Variants in EYA1 observed in about 807,000 individuals in gnomAD.
The protein encoded by EYA1 is EYA transcriptional coactivator and phosphatase 1, also known as protein phosphatase EYA1.
EYA1 carries 16 observed loss-of-function variants against 82.0 expected under a neutral mutation model. That is an observed-to-expected ratio of 0.20 (90% CI 0.13 to 0.30). The LOEUF (loss-of-function observed/expected upper bound fraction) is 0.30. Among genes scored for constraint, EYA1 ranks in the 10% least tolerant of loss-of-function variants. The pLI, the probability that EYA1 is intolerant of heterozygous loss-of-function variation, is 1.00. For missense variants in EYA1, 633 were observed against 730.7 expected, an observed-to-expected ratio of 0.87 and a Z score of 1.54; for synonymous variants, 261 against 264.4, an observed-to-expected ratio of 0.99 and a Z score of 0.12.
At position 71,198,648 on chromosome 8, in the gene EYA1, A is replaced by G. The variant is rs1023495836; in HGVS notation, c.*692T>C. On this transcript the variant is annotated 3_prime_UTR_variant, in exon 18 of 18. Coordinates refer to ENST00000340726, the MANE Select transcript of EYA1 (RefSeq NM_000503.6). ...GTACATGATTGTCTCAGTGATGTAC[A>G]TATTATACGTTTAAATTAGACATAC... 2.6e-5 allele frequency: 4 copies of G among 153,254 alleles called. No homozygotes were observed. Among genetic ancestry groups the G allele is most frequent in the African/African-American group, 9.6e-5 (4 of 41,452 alleles). 9.5% of individuals were successfully genotyped at this position (153,254 alleles called of 1,614,324 possible). A position where few individuals can be genotyped will look rare whatever the true frequency, so the allele number is the denominator to read the frequency against.
chr8:71,300,246 AAAG>A (rs1168250537), intron 7 of EYA1, among the ~76,000 whole-genome samples: 2 of 152,184 alleles, frequency 1.3e-5, no homozygotes, highest in South Asian at 2.1e-4. Flanking sequence ...AACAAAGATG[AAAG>A]AAGAATATGA....
chr8:71,253,054 C>G (rs1313323999), intron 11 of EYA1, among the ~76,000 whole-genome samples: 3 of 152,058 alleles, frequency 2.0e-5, no homozygotes, highest in Non-Finnish European at 2.9e-5. Context: ...AATGTAAAGT[C>G]CCTGAAATTT....
chr8:71,477,318 T>C (rs1229780570), intron 2 of EYA1, among the ~76,000 whole-genome samples: 1 of 152,152 alleles, frequency 6.6e-6, no homozygotes, highest in African/African-American at 2.4e-5. Flanking sequence ...ACATCATTTC[T>C]CTGATAAGGA....
chr8:71,516,328 C>A (rs182767683), intron 2 of EYA1, among the ~76,000 whole-genome samples: 1 of 152,248 alleles, frequency 6.6e-6, no homozygotes, highest in East Asian at 1.9e-4. Context: ...GTGTAAATGG[C>A]TACTTGTAAA....
chr8:71,284,828 T>C (rs1034061125), intron 9 of EYA1, among the ~76,000 whole-genome samples: 1 of 152,236 alleles, frequency 6.6e-6, no homozygotes, highest in African/African-American at 2.4e-5. Flanking sequence ...CCCTCGCACT[T>C]TCACATCCTC....
intron 9 of EYA1, among the ~76,000 whole-genome samples, chr8:71,290,585 A>G (rs539874049): frequency 1.3e-5 from 2 of 152,164 alleles, no homozygotes; most frequent in Non-Finnish European, 2.9e-5. Flanking sequence ...GCATCCTGAC[A>G]TATGGCTAAG....
At chr8:71,516,483 G>A (rs1458495018) in intron 2 of EYA1, among the ~76,000 whole-genome samples, 2 of 152,178 alleles carry the variant, frequency 1.3e-5, no homozygotes, top group Non-Finnish European at 2.9e-5. Flanking sequence ...AAGTCACACA[G>A]TATATATGCA....
chr8:71,479,358 C>G (rs1236161749), intron 2 of EYA1, among the ~76,000 whole-genome samples: 1 of 152,156 alleles, frequency 6.6e-6, no homozygotes, highest in Non-Finnish European at 1.5e-5. Context: ...AAATCACAAC[C>G]CACTTGCCTC....
chr8:71,389,712 T>C (rs1339876675), intron 2 of EYA1, among the ~76,000 whole-genome samples: 1 of 152,202 alleles, frequency 6.6e-6, no homozygotes, highest in Non-Finnish European at 1.5e-5. Flanking sequence ...TAAAAATCTT[T>C]TGAAGCTGAG....
intron 11 of EYA1, among the ~76,000 whole-genome samples, chr8:71,258,831 T>C (rs184054495): frequency 1.3e-5 from 2 of 152,200 alleles, no homozygotes; most frequent in Non-Finnish European, 2.9e-5. Flanking sequence ...TATGTATTTA[T>C]CCTCAATTCT....
In EYA1 at chr8:71,282,943, T is replaced by C. The variant is rs1025219198; in HGVS notation, c.827-11046A>G. ...GATCTCTTCAACACCACCTTGTTTT[T>C]TTTTTTTTTTTGCCTTGTTGCAACT... On this transcript the variant is annotated intron_variant, in intron 9 of 17. Transcript: ENST00000340726. 2.6e-5 allele frequency among the ~76,000 whole-genome samples: 4 copies of C among 151,890 alleles called. No individual in the cohort carries two copies. The East Asian group carries it at 7.7e-4, about 29-fold the overall frequency.
At chr8:71,346,450 A>ATC (rs1554561632) in intron 3 of EYA1, among the ~76,000 whole-genome samples, 1 of 134,836 alleles carries the variant, frequency 7.4e-6, no homozygotes, top group Non-Finnish European at 1.5e-5. Flanking sequence ...ATATATATAT[A>ATC]TATATCTATA....
intron 2 of EYA1, among the ~76,000 whole-genome samples, chr8:71,390,031 A>G (rs1395855247): frequency 1.3e-5 from 2 of 152,212 alleles, no homozygotes; most frequent in South Asian, 2.1e-4. Flanking sequence ...ATTTAGTAAT[A>G]CATGTATTTT....
At chr8:71,462,017 G>A (rs1273868896) in intron 2 of EYA1, among the ~76,000 whole-genome samples, 4 of 152,116 alleles carry the variant, frequency 2.6e-5, no homozygotes, top group African/African-American at 7.2e-5. Context: ...GTTCATGGGT[G>A]ACCATGGCTG....
rs1181169414 is a variant in EYA1 at position 71,305,572 on chromosome 8, G to A, written c.557-5852C>T. 3.3e-5 allele frequency among the ~76,000 whole-genome samples: 5 copies of A among 152,034 alleles called. 1 individual carries two copies. The East Asian group carries it at 9.7e-4, about 29-fold the overall frequency. On this transcript the variant is annotated intron_variant, in intron 7 of 17. Transcript: ENST00000340726. ...GAGGCAGGAGAATCACTTGAACTTGGGAGGCTGAAGTTTCAGTGAGCCGAG... is the reference window on the plus strand; with the variant it reads ...GAGGCAGGAGAATCACTTGAACTTGAGAGGCTGAAGTTTCAGTGAGCCGAG...
chr8:71,416,047 C>T (rs760300167), intron 2 of EYA1, among the ~76,000 whole-genome samples: 15 of 152,176 alleles, frequency 9.9e-5, no homozygotes, highest in African/African-American at 2.4e-4. Flanking sequence ...TTCCCTGTGC[C>T]GCAGGAGGCT....
intron 2 of EYA1, among the ~76,000 whole-genome samples, chr8:71,405,728 C>A (rs551576816): frequency 6.6e-6 from 1 of 152,054 alleles, no homozygotes. Context: ...GGTGCTTTTC[C>A]GTTGTTATTT....
intron 11 of EYA1, among the ~76,000 whole-genome samples, chr8:71,251,113 A>G (rs554240277): frequency 6.6e-6 from 1 of 152,212 alleles, no homozygotes; most frequent in Non-Finnish European, 1.5e-5. Context: ...TTTTCTATTT[A>G]ATGAAGTGGA....
At chr8:71,425,997 AC>A (rs1165336168) in intron 2 of EYA1, among the ~76,000 whole-genome samples, 1 of 152,198 alleles carries the variant, frequency 6.6e-6, no homozygotes, top group Non-Finnish European at 1.5e-5. Context: ...GGCTGATAGA[AC>A]CTTGTATTTA....
Sources: gnomAD v4.1 joint callset for allele counts (sites outside exome capture counted in the v4.1 genomes callset) on GRCh38, gnomAD v4.1.1 for gene constraint, MANE v1.5 for transcripts, NCBI Gene and HGNC (gene_info 2026-07-23, HGNC 2026-07-21) for gene names.